The following ICA1 variants were observed in gnomAD, a reference collection of about 807,000 sequenced individuals.
The protein encoded by ICA1 is islet cell autoantigen 1.
In ICA1, 40 loss-of-function variants were observed where a neutral mutation model predicts 71.0. The ratio of observed to expected loss-of-function variants is 0.56; its 90% CI spans 0.44 to 0.73. ICA1 has a LOEUF of 0.73. ICA1 is among the 30% of genes least tolerant of loss of function. ICA1 has a pLI of 0.00. For synonymous variants in ICA1, 207 were observed against 209.5 expected, an observed-to-expected ratio of 0.99 and a Z score of 0.10; for missense variants, 578 against 576.5, an observed-to-expected ratio of 1.00 and a Z score of -0.03.
In ICA1 at chr7:8,132,144, G is replaced by A. The variant is rs1024379176; in HGVS notation, c.1061-4002C>T. Among the ~76,000 whole-genome samples, 2 of 152,252 alleles carry A rather than the reference G, an allele frequency of 1.3e-5. No homozygotes were observed. Among genetic ancestry groups the A allele is most frequent in the African/African-American group, 2.4e-5 (1 of 41,538 alleles). ...AAAAATAAGAGCCAACAGACATGAC[G>A]TACTCACATCCTCACCTGTCTCCAA... On this transcript the variant is annotated intron_variant, in intron 12 of 13. Transcript: ENST00000402384. This position sits in a 1 kb window ranked among gnomAD's most constrained non-coding sequence, Gnocchi z 4.5.
At chr7:8,239,804 C>T (rs1436138009) in intron 1 of ICA1, among the ~76,000 whole-genome samples, 1 of 152,230 alleles carries the variant, frequency 6.6e-6, no homozygotes, top group African/African-American at 2.4e-5. Context: ...GCTAGCACAG[C>T]AGTCTGAGAT....
chr7:8,237,727 A>C (rs1802290983), intron 1 of ICA1, among the ~76,000 whole-genome samples: 1 of 152,052 alleles, frequency 6.6e-6, no homozygotes, highest in African/African-American at 2.4e-5. Context: ...ACTTAGCATA[A>C]TGCATTTAAG....
intron 1 of ICA1, among the ~76,000 whole-genome samples, chr7:8,249,581 A>G (rs1312316332): frequency 6.6e-6 from 1 of 152,240 alleles, no homozygotes; most frequent in Non-Finnish European, 1.5e-5. Context: ...TCCATCACAA[A>G]TATTGGAAGC....
intron 6 of ICA1, among the ~76,000 whole-genome samples, chr7:8,168,192 G>C (rs572015406): frequency 6.6e-6 from 1 of 152,146 alleles, no homozygotes; most frequent in Non-Finnish European, 1.5e-5. Context: ...GGATAGCACA[G>C]ACACAGGCTG....
intron 1 of ICA1, among the ~76,000 whole-genome samples, chr7:8,247,132 T>A (rs1806340421): frequency 6.6e-6 from 1 of 152,174 alleles, no homozygotes; most frequent in South Asian, 2.1e-4. Flanking sequence ...ATCGTCCCAC[T>A]TGTCATTACT....
chr7:8,224,323 G>A lies in ICA1; in HGVS notation c.257-2925C>T, dbSNP rs187712259. On this transcript the variant is annotated intron_variant, in intron 4 of 13. Transcript: ENST00000402384. The stretch of plus-strand genomic sequence containing the variant: ...GTGCAAAAGGCCTTGGGAGTTTGGT[G>A]GACAAGGGAAAAGGTGACTGAAGAG... 3.1e-4 allele frequency among the ~76,000 whole-genome samples: 47 copies of A among 152,210 alleles called. No individual in the cohort carries two copies. In the East Asian group the frequency reaches 7.5e-3, roughly 24 times the overall value.
chr7:8,196,525 A>C (rs1401076075), intron 6 of ICA1, among the ~76,000 whole-genome samples: 1 of 152,136 alleles, frequency 6.6e-6, no homozygotes, highest in African/African-American at 2.4e-5. Context: ...TAATGTGTCA[A>C]CCTTGGCTCA....
In ICA1 at chr7:8,232,625, C is replaced by T. The variant is rs752194584; in HGVS notation, c.148G>A (p.Val50Ile). ...ATGKKEDEHV[V>I]ASDADLDAKL... ...GCATCCAGGTCCGCGTCAGAGGCAA[C>T]AACATGTTCATCTTCCTTCTTCCCT... The change falls in exon 3 of 14, where the codon GTT becomes ATT. Residue 50 changes from valine to isoleucine, a missense_variant. Coordinates refer to ENST00000402384, the MANE Select transcript of ICA1 (RefSeq NM_001136020.3). The T allele has an allele frequency of 1.2e-6, 2 of 1,613,022 alleles. No homozygotes were observed.
rs776283943 is a variant in ICA1 at position 8,221,359 on chromosome 7, C to T, written c.296G>A (p.Arg99Gln). 30 of 1,613,400 alleles carry T rather than the reference C, an allele frequency of 1.9e-5. No homozygotes were observed. In the Admixed American group the frequency reaches 3.3e-4, roughly 18 times the overall value. Residue 99 changes from arginine (R) to glutamine (Q), a missense_variant, in exon 5 of 14, where the codon CGA (arginine) becomes CAA (glutamine). Coordinates refer to ENST00000402384, the MANE Select transcript of ICA1 (RefSeq NM_001136020.3). The part of the protein sequence containing the change: ...QEENELGKFL[R>Q]SQGFQDKTRA... ...GGTTTTATCTTGGAAACCTTGGGATCGAAGAAATTTTCCCAGTTCGTTTTC... is the reference window on the plus strand; with the variant it reads ...GGTTTTATCTTGGAAACCTTGGGATTGAAGAAATTTTCCCAGTTCGTTTTC...
At position 8,226,699 on chromosome 7, in the gene ICA1, C is replaced by T. The variant is rs1236386377; in HGVS notation, c.256+1902G>A. ...CTGTCTCTGCTGAGATGGCATGGCT[C>T]ATGTGAGCTTAGCGGGTAGACATAA... On this transcript the variant is annotated intron_variant, in intron 4 of 13. Coordinates refer to ENST00000402384, the MANE Select transcript of ICA1 (RefSeq NM_001136020.3). The surrounding 1 kb of genome is among the most constrained non-coding windows in gnomAD (Gnocchi z 4.4). Among the ~76,000 whole-genome samples the T allele has an allele frequency of 6.6e-6, 1 of 152,202 alleles. No individual in the cohort carries two copies. Among genetic ancestry groups the T allele is most frequent in the Non-Finnish European group, 1.5e-5 (1 of 68,036 alleles).
chr7:8,113,844 C>T lies in ICA1; in HGVS notation c.*79G>A, dbSNP rs1179655280. 6.1e-6 allele frequency: 9 copies of T among 1,468,786 alleles called. No individual in the cohort carries two copies. Among genetic ancestry groups the T allele is most frequent in the Non-Finnish European group, 8.6e-6 (9 of 1,050,734 alleles). The allele number at this position is 1,468,786 out of a possible 1,614,324, so 91.0% of individuals were successfully genotyped here. Reference sequence around the variant, plus strand: ...GGCACATAATTATTAAAACAGCATACTGATCACTTTATACTTCTGCTAGCC... The same window carrying T: ...GGCACATAATTATTAAAACAGCATATTGATCACTTTATACTTCTGCTAGCC... On this transcript the variant is annotated 3_prime_UTR_variant, in exon 14 of 14. Coordinates refer to ENST00000402384, the MANE Select transcript of ICA1 (RefSeq NM_001136020.3). The surrounding 1 kb of genome is among the most constrained non-coding windows in gnomAD (Gnocchi z 4.2).
At chr7:8,257,244 A>T (rs1810535243) in intron 1 of ICA1, among the ~76,000 whole-genome samples, 1 of 152,158 alleles carries the variant, frequency 6.6e-6, no homozygotes, top group Non-Finnish European at 1.5e-5. Flanking sequence ...GAGGGGCACT[A>T]TTTATAAATA....
At chr7:8,209,458 G>A (rs1477268350) in intron 6 of ICA1, among the ~76,000 whole-genome samples, 1 of 152,162 alleles carries the variant, frequency 6.6e-6, no homozygotes, top group Non-Finnish European at 1.5e-5. Context: ...TTGCATACCT[G>A]AGTCTCATTT....
intron 6 of ICA1, among the ~76,000 whole-genome samples, chr7:8,203,472 T>C (rs987090688): frequency 1.3e-5 from 2 of 152,198 alleles, no homozygotes; most frequent in African/African-American, 4.8e-5. Flanking sequence ...TTCACGATGG[T>C]GCTCTGAGAA....
chr7:8,175,880 C>T (rs542647080), intron 6 of ICA1, among the ~76,000 whole-genome samples: 48 of 152,278 alleles, frequency 3.2e-4, no homozygotes, highest in South Asian at 1.7e-3. Flanking sequence ...ATCCACTTTT[C>T]GGAGTTTCCA....
intron 1 of ICA1, among the ~76,000 whole-genome samples, chr7:8,244,809 T>G (rs1407880029): frequency 6.6e-6 from 1 of 152,016 alleles, no homozygotes; most frequent in African/African-American, 2.4e-5. Context: ...CATGAAAAAA[T>G]GCTCATCATC....
Position 8,113,651 on chromosome 7 carries a change from C to T in ICA1, c.*272G>A. The T allele has an allele frequency of 3.4e-6, 1 of 291,560 alleles. No individual in the cohort carries two copies. The highest frequency in any genetic ancestry group is 5.2e-5 in the South Asian group (1 of 19,280). The allele number at this position is 291,560 out of a possible 1,614,324, so 18.1% of individuals were successfully genotyped here. On this transcript the variant is annotated 3_prime_UTR_variant, in exon 14 of 14. Transcript: ENST00000402384. The surrounding 1 kb of genome is among the most constrained non-coding windows in gnomAD (Gnocchi z 4.2). ...TCACGGTAGCCCAGTGACACCGCAGCAGCCATGATGGGATGTAGGCAGGAG... is the reference window on the plus strand; with the variant it reads ...TCACGGTAGCCCAGTGACACCGCAGTAGCCATGATGGGATGTAGGCAGGAG...
rs1282884889 is a variant in ICA1, at chr7:8,243,782, CAGAG to C, written c.-79-7781_-79-7778del. ...TTCCTATACACCAATAACAGACAAA[CAGAG>C]AGCCAAATCATGAGTGAACTCCCAT... is the stretch of plus-strand genomic sequence containing the variant. On this transcript the variant is annotated intron_variant, in intron 1 of 13. Coordinates refer to ENST00000402384, the MANE Select transcript of ICA1 (RefSeq NM_001136020.3). Among the ~76,000 whole-genome samples, 4 of 152,244 alleles carry C rather than the reference CAGAG, an allele frequency of 2.6e-5. No individual in the cohort carries two copies. In the East Asian group the frequency reaches 7.7e-4, roughly 29 times the overall value.
At chr7:8,128,539 G>C (rs564644471) in intron 12 of ICA1, among the ~76,000 whole-genome samples, 6 of 152,284 alleles carry the variant, frequency 3.9e-5, no homozygotes, top group African/African-American at 1.4e-4. Flanking sequence ...CACATTGCCT[G>C]GGCTGGAACA....
Sources: allele counts gnomAD v4.1 joint callset (sites outside exome capture counted in the v4.1 genomes callset), GRCh38; gene constraint gnomAD v4.1.1; non-coding constraint Gnocchi (gnomAD v3.1); transcripts MANE v1.5; gene names NCBI Gene and HGNC (gene_info 2026-07-23, HGNC 2026-07-21).